FANCD2: variants seen among roughly 807,000 people sequenced by gnomAD.
FANCD2 encodes the protein Fanconi anemia group D2 protein.
Under a neutral mutation model 192.3 loss-of-function variants are expected in FANCD2, and 131 were observed. The observed-to-expected ratio is 0.68, with a 90% CI of 0.59 to 0.79. The LOEUF is 0.79. Among genes scored for constraint, FANCD2 ranks in the 30% least tolerant of loss-of-function variants. The probability of loss-of-function intolerance (pLI) is 0.00; values close to 1 mark genes in which losing one functional copy is unlikely to be tolerated. For synonymous variants in FANCD2, 524 were observed against 612.5 expected (o/e 0.86, Z 2.13); for missense variants, 1,508 against 1,701.6 (o/e 0.89, Z 2.00).
rs768934827 is a variant in FANCD2, at chr3:10,043,142, A to G, written c.981A>G (p.Gly327=). ...CCCAAGTAAAGTTGAAAAGTAAAGG[A>G]CGAGCAAGGTAAAGAGCTCATCCTC... The part of the protein sequence containing the change: ...QASQVKLKSK[G]RASSSGNQES... The change falls in exon 12 of 44, where the codon GGA becomes GGG. Residue 327 remains glycine (G), a synonymous_variant. Coordinates refer to ENST00000675286, the MANE Select transcript of FANCD2 (RefSeq NM_001018115.3). 14 of 1,613,936 alleles carry G rather than the reference A, an allele frequency of 8.7e-6. No homozygotes were observed. In the South Asian group the frequency reaches 1.5e-4, roughly 18 times the overall value.
At chr3:10,026,896 G>A (rs1446849824) in intron 1 of FANCD2, among the ~76,000 whole-genome samples, 1 of 152,166 alleles carries the variant, frequency 6.6e-6, no homozygotes, top group African/African-American at 2.4e-5. Context: ...CCGGTACCTC[G>A]TAAATGTTAA....
intron 7 of FANCD2, among the ~76,000 whole-genome samples, chr3:10,037,268 C>T (rs1026756573): frequency 3.9e-5 from 6 of 152,106 alleles, no homozygotes; most frequent in African/African-American, 1.4e-4. Flanking sequence ...CAATCAAAGG[C>T]ACAAATTTAA....
chr3:10,089,162 G>A (rs1263764573), intron 36 of FANCD2, among the ~76,000 whole-genome samples: 1 of 152,014 alleles, frequency 6.6e-6, no homozygotes, highest in Admixed American at 6.6e-5. Flanking sequence ...GCACATGCCT[G>A]TAATCCCAGC....
At chr3:10,091,540 T>C (rs956419647) in intron 37 of FANCD2, among the ~76,000 whole-genome samples, 10 of 151,876 alleles carry the variant, frequency 6.6e-5, no homozygotes, top group African/African-American at 2.4e-4. Flanking sequence ...TAGCCCTTTC[T>C]CTTACTTGTC....
At chr3:10,072,633 A>G (rs1188632214) in intron 26 of FANCD2, among the ~76,000 whole-genome samples, 2 of 152,172 alleles carry the variant, frequency 1.3e-5, no homozygotes, top group Non-Finnish European at 2.9e-5. Flanking sequence ...TTAGTTATAT[A>G]TCATTATTTA....
chr3:10,085,831 G>C lies in FANCD2; in HGVS notation c.3244G>C (p.Glu1082Gln). ...CCTTAGGAGTGGATTTTCTCAACCT[G>C]AAAATCAGAATTTACTGTATTCAGC... is the stretch of plus-strand genomic sequence containing the variant. ...LFAWSGFSQP[E>Q]NQNLLYSALH... is the part of the protein sequence containing the mutation. Residue 1082 changes from glutamate (E) to glutamine (Q), a missense_variant, in exon 33 of 44, where the codon GAA becomes CAA. Transcript: ENST00000675286. 1 of 1,613,250 alleles carries C rather than the reference G, an allele frequency of 6.2e-7. No homozygotes were observed. Among genetic ancestry groups the C allele is most frequent in the East Asian group, 2.2e-5 (1 of 44,858 alleles).
intron 34 of FANCD2, 73 bp downstream of exon 34, chr3:10,087,337 G>C: frequency 7.1e-7 from 1 of 1,410,566 alleles, no homozygotes; most frequent in Non-Finnish European, 9.6e-7. Flanking sequence ...TACAAACTTT[G>C]GGCTTCCCAG....
chr3:10,028,219 C>G (rs1321373202), intron 1 of FANCD2, among the ~76,000 whole-genome samples: 1 of 152,098 alleles, frequency 6.6e-6, no homozygotes, highest in Non-Finnish European at 1.5e-5. Flanking sequence ...CTATTTGTTA[C>G]CATACTGTAA....
rs1249790407 is a variant in FANCD2, at chr3:10,052,430, G to A, written c.1589G>A (p.Arg530Gln). The A allele has an allele frequency of 3.7e-6, 6 of 1,613,174 alleles. No homozygotes were observed. Among genetic ancestry groups the A allele is most frequent in the South Asian group, 1.1e-5 (1 of 91,040 alleles). Reference protein sequence around the residue: ...YLDNISPQQIRKLFYVLSTLA... With the variant: ...YLDNISPQQIQKLFYVLSTLA... ...GATAACATATCCCCTCAGCAAATAC[G>A]AAAACTCTTCTATGTTCTCAGCACA... Residue 530 changes from arginine (R) to glutamine (Q), a missense_variant, in exon 18 of 44, where the codon CGA (arginine) becomes CAA (glutamine). This residue lies in a region of FANCD2 where 110 missense variants were observed against 114.4 expected (regional missense o/e 0.96). Coordinates refer to ENST00000675286, the MANE Select transcript of FANCD2 (RefSeq NM_001018115.3).
chr3:10,029,623 G>A (rs539058185), intron 2 of FANCD2, among the ~76,000 whole-genome samples: 32 of 152,270 alleles, frequency 2.1e-4, no homozygotes, highest in African/African-American at 7.0e-4. Flanking sequence ...AACAGGTGGT[G>A]TTCGGTTACA....
intron 36 of FANCD2, 116 bp from the exon 37 acceptor site, chr3:10,090,176 A>C (rs1694499858): frequency 1.4e-6 from 1 of 722,420 alleles, no homozygotes; most frequent in East Asian, 2.7e-5. Context: ...TAAGGACCCT[A>C]GTGAAAGGAC....
At chr3:10,043,634 G>A (rs1337197407) in intron 13 of FANCD2, 42 bp downstream of exon 13, 22 of 1,456,302 alleles carry the variant, frequency 1.5e-5, no homozygotes, top group Non-Finnish European at 2.0e-5. Context: ...GGAAATGAGT[G>A]GCAATTAGTG....
chr3:10,046,042 A>G (rs2086996198), intron 14 of FANCD2, among the ~76,000 whole-genome samples: 1 of 132,300 alleles, frequency 7.6e-6, no homozygotes, highest in African/African-American at 3.2e-5. Context: ...TTTCATGCAT[A>G]TTGCTCTGTA....
chr3:10,042,809 T>C, intron 11 of FANCD2, 146 bp downstream of exon 11: 1 of 778,926 alleles, frequency 1.3e-6, no homozygotes, highest in Non-Finnish European at 2.2e-6. Context: ...CATTGATCTA[T>C]ATAAGCTGCT....
intron 18 of FANCD2, among the ~76,000 whole-genome samples, chr3:10,053,416 C>A (rs1253606010): frequency 2.6e-5 from 4 of 151,406 alleles, no homozygotes; most frequent in African/African-American, 9.7e-5. Flanking sequence ...TTGGGAGATA[C>A]ACCTAATGCT....
chr3:10,100,346 G>A (rs562381605), intron 43 of FANCD2, among the ~76,000 whole-genome samples: 1 of 152,108 alleles, frequency 6.6e-6, no homozygotes, highest in Non-Finnish European at 1.5e-5. Flanking sequence ...ACAGAATTTT[G>A]TACTGGATTC....
Position 10,101,335 on chromosome 3 carries a change from C to T in FANCD2, c.*73C>T, listed in dbSNP as rs563842075. 132 of 1,091,346 alleles carry T rather than the reference C, an allele frequency of 1.2e-4. No individual in the cohort carries two copies. The African/African-American group carries it at 1.6e-3, about 13-fold the overall frequency. 67.6% of individuals were successfully genotyped at this position (1,091,346 alleles called of 1,614,324 possible). ...TCATTTTGTGTTAGAGTTTGAAATCCGCTGTTTGCCTTTCTTACTGGTAGG... is the reference window on the plus strand; with the variant it reads ...TCATTTTGTGTTAGAGTTTGAAATCTGCTGTTTGCCTTTCTTACTGGTAGG... On this transcript the variant is annotated 3_prime_UTR_variant, in exon 44 of 44. Transcript: ENST00000675286.
chr3:10,088,911 C>A lies in FANCD2; in HGVS notation c.3644C>A (p.Pro1215His), dbSNP rs1428134141. 6.2e-7 allele frequency: 1 copy of A among 1,613,888 alleles called. No homozygotes were observed. Residue 1215 changes from proline to histidine, a missense_variant, in exon 36 of 44, where the codon CCT (proline) becomes CAT (histidine). Pro to His is a moderately conservative substitution (Grantham distance 77, BLOSUM62 -2). Around this residue, in one of 5 missense-constraint regions of FANCD2, gnomAD observed 796 missense variants for 879.4 expected, o/e 0.91. Coordinates refer to ENST00000675286, the MANE Select transcript of FANCD2 (RefSeq NM_001018115.3). The stretch of plus-strand genomic sequence containing the variant: ...GGTGTCCCAGAACTGATCAACTCTC[C>A]TAAAGATGCATCTTCCTCCACATTC... The part of the protein sequence containing the change: ...GVGVPELINS[P>H]KDASSSTFPT...
intron 25 of FANCD2, among the ~76,000 whole-genome samples, chr3:10,066,353 G>A (rs2087718639): frequency 6.6e-6 from 1 of 152,150 alleles, no homozygotes; most frequent in Non-Finnish European, 1.5e-5. Flanking sequence ...TGACAATGAT[G>A]GCAACATCTT....
Sources: allele counts gnomAD v4.1 joint callset (sites outside exome capture counted in the v4.1 genomes callset), GRCh38; gene constraint gnomAD v4.1.1; regional missense constraint gnomAD v4.1.1; transcripts MANE v1.5; gene names NCBI Gene and HGNC (gene_info 2026-07-23, HGNC 2026-07-21).